The following ZNF607 variants were observed in gnomAD, a reference collection of about 807,000 sequenced individuals.
ZNF607 encodes the protein zinc finger protein 607.
A neutral mutation model predicts 12.8 loss-of-function variants in ZNF607; 5 were observed. The observed-to-expected ratio is 0.39, with a 90% CI of 0.20 to 0.82. The LOEUF (loss-of-function observed/expected upper bound fraction) is 0.82. ZNF607 is among the 40% of genes least tolerant of loss of function. ZNF607 has a pLI of 0.39. For missense variants in ZNF607, 851 were observed against 859.2 expected (o/e 0.99, Z 0.12); for synonymous variants, 287 against 276.2 (o/e 1.04, Z -0.39).
intron 4 of ZNF607, among the ~76,000 whole-genome samples, chr19:37,705,464 C>T (rs935702137): frequency 1.3e-5 from 2 of 152,050 alleles, no homozygotes; most frequent in Non-Finnish European, 2.9e-5. Context: ...GCAGGCAGAT[C>T]ATCTGAGGTC....
At chr19:37,705,689 A>G (rs924915743) in intron 4 of ZNF607, among the ~76,000 whole-genome samples, 1 of 150,780 alleles carries the variant, frequency 6.6e-6, no homozygotes, top group African/African-American at 2.4e-5. Context: ...TCTCTCCAAA[A>G]AAAAAAAAAA....
At chr19:37,719,116 A>ATT (rs2045201868) in intron 1 of ZNF607, 153 bp downstream of exon 1, 1 of 152,700 alleles carries the variant, frequency 6.5e-6, no homozygotes, top group Non-Finnish European at 1.5e-5. Context: ...CATTGGGACC[A>ATT]TTTCTCTGTT....
intron 3 of ZNF607, 85 bp from the exon 4 acceptor site, chr19:37,708,097 C>A: frequency 2.1e-6 from 2 of 973,520 alleles, no homozygotes; most frequent in East Asian, 2.5e-5. Flanking sequence ...AATGAAAGGT[C>A]AAAGTGATAC....
intron 2 of ZNF607, among the ~76,000 whole-genome samples, chr19:37,710,906 A>G (rs2045127826): frequency 6.6e-6 from 1 of 152,210 alleles, no homozygotes; most frequent in Non-Finnish European, 1.5e-5. Context: ...GTGGTGCAAC[A>G]ATAGCGCATC....
Position 37,697,614 on chromosome 19 carries a change from C to A in ZNF607, c.*426G>T. 1 of 413,222 alleles carries A rather than the reference C, an allele frequency of 2.4e-6. No individual in the cohort carries two copies. Among genetic ancestry groups the A allele is most frequent in the Non-Finnish European group, 4.4e-6 (1 of 225,270 alleles). The allele number at this position is 413,222 out of a possible 1,614,324, so 25.6% of individuals were successfully genotyped here. A position where few individuals can be genotyped will look rare whatever the true frequency, so the allele number is the denominator to read the frequency against. ...TATGCAGAGTGGCTAAATAGCCTTT[C>A]CCATCATCGCTTATATCAACAGAGG... On this transcript the variant is annotated 3_prime_UTR_variant, in exon 5 of 5. Coordinates refer to ENST00000355202, the MANE Select transcript of ZNF607 (RefSeq NM_032689.5).
intron 4 of ZNF607, chr19:37,706,662 G>C (rs2045086956): frequency 8.2e-6 from 1 of 121,308 alleles, no homozygotes; most frequent in Non-Finnish European, 1.9e-5. Flanking sequence ...ACCGTGGCCA[G>C]ACGGCTCGCG....
At chr19:37,703,370 T>C (rs1326889674) in intron 4 of ZNF607, among the ~76,000 whole-genome samples, 1 of 152,086 alleles carries the variant, frequency 6.6e-6, no homozygotes, top group East Asian at 1.9e-4. Context: ...AATGTAATCA[T>C]GTTAATAATT....
rs752655404 is a variant in ZNF607 at position 37,701,558 on chromosome 19, G to A, written c.236-1663C>T. ...CGACACAGCAGCAGGGGACACGTGC[G>A]TCAGGGATAAGAACCCCTTCCCCTC... is the stretch of plus-strand genomic sequence containing the variant. On this transcript the variant is annotated intron_variant, in intron 4 of 4. Coordinates refer to ENST00000355202, the MANE Select transcript of ZNF607 (RefSeq NM_032689.5). Among the ~76,000 whole-genome samples the A allele has an allele frequency of 5.9e-5, 9 of 152,152 alleles. No homozygotes were observed. The East Asian group carries it at 9.6e-4, about 16-fold the overall frequency.
intron 4 of ZNF607, among the ~76,000 whole-genome samples, 183 bp downstream of exon 4, chr19:37,707,731 C>T (rs1052602975): frequency 3.3e-5 from 5 of 152,126 alleles, no homozygotes; most frequent in African/African-American, 1.2e-4. Flanking sequence ...TGAGCCACAG[C>T]GCTGGGCCTT....
At position 37,696,651 on chromosome 19, in the gene ZNF607, T is replaced by C. The variant is rs76141649; in HGVS notation, c.*1389A>G. 2,623 of 662,106 alleles carry C rather than the reference T, an allele frequency of 4.0e-3. 67 individuals are homozygous for C. The East Asian group carries it at 0.059, about 15-fold the overall frequency. The allele number at this position is 662,106 out of a possible 1,614,324, so 41.0% of individuals were successfully genotyped here. ...GCAGCTGGAGGAGCACGGACTGCCC[T>C]GCCGGCAGGCAGGTGATGTTCCGAG... On this transcript the variant is annotated 3_prime_UTR_variant, in exon 5 of 5. Coordinates refer to ENST00000355202, the MANE Select transcript of ZNF607 (RefSeq NM_032689.5).
At chr19:37,709,261 C>A (rs1169013777) in intron 3 of ZNF607, among the ~76,000 whole-genome samples, 2 of 152,176 alleles carry the variant, frequency 1.3e-5, no homozygotes, top group African/African-American at 4.8e-5. Context: ...TATGAACAGT[C>A]TCTTTCAATA....
Position 37,696,811 on chromosome 19 carries a change from G to T in ZNF607, c.*1229C>A. 8.0e-7 allele frequency: 1 copy of T among 1,243,888 alleles called. No homozygotes were observed. 77.1% of individuals were successfully genotyped at this position (1,243,888 alleles called of 1,614,324 possible). ...GTCACCCTCAGCAGAGATGATGGCC[G>T]CCTTTTCCACCACAAATCTGGCGCT... On this transcript the variant is annotated 3_prime_UTR_variant, in exon 5 of 5. Coordinates refer to ENST00000355202, the MANE Select transcript of ZNF607 (RefSeq NM_032689.5).
At chr19:37,717,736 G>A (rs940449733) in intron 1 of ZNF607, among the ~76,000 whole-genome samples, 1 of 149,736 alleles carries the variant, frequency 6.7e-6, no homozygotes, top group Non-Finnish European at 1.5e-5. Flanking sequence ...AACCCGGGAG[G>A]CGGAGGTTGC....
chr19:37,707,872 T>C (rs1412602260), intron 4 of ZNF607, 42 bp downstream of exon 4: 1 of 1,484,930 alleles, frequency 6.7e-7, no homozygotes. Context: ...ACGAGGGCTA[T>C]TTGCATACAA....
chr19:37,700,565 A>G (rs182565230), intron 4 of ZNF607, among the ~76,000 whole-genome samples: 6 of 152,346 alleles, frequency 3.9e-5, no homozygotes, highest in African/African-American at 1.4e-4. Flanking sequence ...AAATTATAAC[A>G]TAAAGGGTAA....
intron 4 of ZNF607, among the ~76,000 whole-genome samples, chr19:37,703,473 T>G (rs527544770): frequency 1.3e-5 from 2 of 152,124 alleles, no homozygotes; most frequent in African/African-American, 4.8e-5. Context: ...GGATGGCTAC[T>G]GGTAAAAACA....
rs775768744 is a variant in ZNF607 at position 37,709,753 on chromosome 19, GA to G, written c.78del (p.Gln27ArgfsTer8). On this transcript the variant is annotated frameshift_variant, in exon 3 of 5. Coordinates refer to ENST00000355202, the MANE Select transcript of ZNF607 (RefSeq NM_032689.5). LOFTEE classifies it high-confidence loss of function. ...SHQEWEYLSL[V>X]QKTLYQEVMM... ...ATCACCTCCTGGTACAAGGTCTTCT[GA>G]ACCAGGCTGAGATATTCCCACTCCT... 1.7e-5 allele frequency: 28 copies of G among 1,613,980 alleles called. No individual in the cohort carries two copies. Among genetic ancestry groups the G allele is most frequent in the Non-Finnish European group, 3.4e-6 (4 of 1,179,978 alleles).
chr19:37,712,225 G>C (rs1420372604), intron 1 of ZNF607, among the ~76,000 whole-genome samples: 2 of 152,122 alleles, frequency 1.3e-5, no homozygotes, highest in Non-Finnish European at 2.9e-5. Flanking sequence ...ATGTGAAATT[G>C]AGAAAAATTC....
In ZNF607 at chr19:37,716,383, T is replaced by C. The variant is rs148236286; in HGVS notation, c.-75+2886A>G. Among the ~76,000 whole-genome samples, 5 of 152,320 alleles carry C rather than the reference T, an allele frequency of 3.3e-5. No homozygotes were observed. In the East Asian group the frequency reaches 9.6e-4, roughly 29 times the overall value. ...CTGTTTTCAGGAAAAACTGATCTGT[T>C]TGGAACTCTACCTGCTCCCTTAAAG... On this transcript the variant is annotated intron_variant, in intron 1 of 4. Coordinates refer to ENST00000355202, the MANE Select transcript of ZNF607 (RefSeq NM_032689.5).
Sources: allele counts gnomAD v4.1 joint callset (sites outside exome capture counted in the v4.1 genomes callset), GRCh38; gene constraint gnomAD v4.1.1; transcripts MANE v1.5; gene names NCBI Gene and HGNC (gene_info 2026-07-23, HGNC 2026-07-21).